KMT2E: variants seen among roughly 807,000 people sequenced by gnomAD.
The protein encoded by KMT2E is lysine methyltransferase 2E (inactive).
In KMT2E, 30 loss-of-function variants were observed where a neutral mutation model predicts 184.6. The ratio of observed to expected loss-of-function variants is 0.16; its 90% CI spans 0.12 to 0.22. The LOEUF is 0.22. Among genes scored for constraint, KMT2E ranks in the 10% least tolerant of loss-of-function variants. KMT2E has a pLI of 1.00. For missense variants in KMT2E, 2,023 were observed against 2,237.4 expected (o/e 0.90, Z 1.93); for synonymous variants, 815 against 776.5 (o/e 1.05, Z -0.82).
chr7:105,080,722 C>T (rs1174979151), intron 12 of KMT2E, among the ~76,000 whole-genome samples: 2 of 152,094 alleles, frequency 1.3e-5, no homozygotes, highest in African/African-American at 4.8e-5. Context: ...CTCATCAAAC[C>T]TAAGAAGGCC....
intron 1 of KMT2E, among the ~76,000 whole-genome samples, chr7:105,017,461 G>T (rs1794764503): frequency 7.2e-6 from 1 of 138,748 alleles, no homozygotes. Flanking sequence ...TTTAGTTCCT[G>T]TAAAATGATA....
intron 9 of KMT2E, 36 bp downstream of exon 9, chr7:105,076,117 G>T (rs759842187): frequency 7.0e-7 from 1 of 1,435,966 alleles, no homozygotes; most frequent in Non-Finnish European, 9.8e-7. Context: ...GTTATCAACT[G>T]TCATTTATTC....
At chr7:105,026,435 T>G (rs1795181498) in intron 1 of KMT2E, among the ~76,000 whole-genome samples, 1 of 152,240 alleles carries the variant, frequency 6.6e-6, no homozygotes, top group Non-Finnish European at 1.5e-5. Flanking sequence ...TAGATTAATT[T>G]AGTGGCAGAT....
chr7:105,069,805 C>G (rs1204467186), intron 6 of KMT2E, among the ~76,000 whole-genome samples: 1 of 152,130 alleles, frequency 6.6e-6, no homozygotes, highest in African/African-American at 2.4e-5. Flanking sequence ...TCATGCTACC[C>G]TTTATAGTCA....
chr7:105,091,263 T>C lies in KMT2E; in HGVS notation c.1671T>C (p.Asn557=), dbSNP rs747616635. Residue 557 remains asparagine, a synonymous_variant, in exon 15 of 27, where the codon AAT becomes AAC. Transcript: ENST00000311117. Reference sequence around the variant, plus strand: ...TAGAAGAAAAAACTCCTATTAGTAATGAAGTAGAAATGGAATCAGAGGAGC... The same window carrying C: ...TAGAAGAAAAAACTCCTATTAGTAACGAAGTAGAAATGGAATCAGAGGAGC... ...DDIEEKTPIS[N]EVEMESEEQI... is the part of the protein sequence containing the mutation. 1 of 1,605,808 alleles carries C rather than the reference T, an allele frequency of 6.2e-7. No homozygotes were observed. Among genetic ancestry groups the C allele is most frequent in the Admixed American group, 1.7e-5 (1 of 59,850 alleles).
chr7:105,103,603 G>A (rs1295604207), intron 17 of KMT2E: 1 of 152,068 alleles, frequency 6.6e-6, no homozygotes, highest in East Asian at 1.9e-4. Flanking sequence ...TCACCCTCCT[G>A]GCAGTCTGGC....
chr7:105,109,057 A>G lies in KMT2E; in HGVS notation c.3584A>G (p.Asn1195Ser), dbSNP rs145923995. Residue 1195 changes from asparagine to serine, a missense_variant, in exon 23 of 27, where the codon AAT (asparagine) becomes AGT (serine). Asn to Ser is a conservative substitution (Grantham distance 46, BLOSUM62 1). This residue lies in a region of KMT2E where 1,108 missense variants were observed against 1,050.9 expected (regional missense o/e 1.05). Coordinates refer to ENST00000311117, the MANE Select transcript of KMT2E (RefSeq NM_182931.3). ...CATGCAAGTGGAAGCTTGAGCAACA[A>G]TGGTGATGGCTGTGCCAGCAGTAAT... ...SPHASGSLSN[N>S]GDGCASSNDN... The G allele has an allele frequency of 1.5e-3, 2,389 of 1,614,186 alleles. 4 individuals carry two copies. Among genetic ancestry groups the G allele is most frequent in the Non-Finnish European group, 1.9e-3 (2,216 of 1,180,018 alleles).
chr7:105,068,624 G>GTTTTT lies in KMT2E; in HGVS notation c.497+1827_497+1831dup, dbSNP rs77819480. On this transcript the variant is annotated intron_variant, in intron 6 of 26. Coordinates refer to ENST00000311117, the MANE Select transcript of KMT2E (RefSeq NM_182931.3). ...TCGCCACCATGCCTGACTAGTTGTG[G>GTTTTT]TTTTTTTTTTTTTTGTTTTTTTTTT... 3.6e-3 allele frequency among the ~76,000 whole-genome samples: 402 copies of GTTTTT among 112,188 alleles called. 32 individuals carry two copies. The highest frequency in any genetic ancestry group is 7.4e-3 in the African/African-American group (185 of 25,008). The allele number at this position is 112,188 out of a possible 152,430, so 73.6% of individuals were successfully genotyped here. A position where few individuals can be genotyped will look rare whatever the true frequency, so the allele number is the denominator to read the frequency against.
rs530378230 is a variant in KMT2E, at chr7:105,077,459, C to T, written c.1130+26C>T. On this transcript the variant is annotated intron_variant, in intron 11 of 26. Transcript: ENST00000311117. ...GTATATTCATTTATTTTCCCATGTT[C>T]ATTTTCTGTAGGTAAATATTGAACT... 29 of 1,566,020 alleles carry T rather than the reference C, an allele frequency of 1.9e-5. No homozygotes were observed. In the South Asian group the frequency reaches 3.2e-4, roughly 18 times the overall value.
At chr7:105,068,926 G>A (rs1338687822) in intron 6 of KMT2E, among the ~76,000 whole-genome samples, 3 of 152,170 alleles carry the variant, frequency 2.0e-5, no homozygotes, top group Non-Finnish European at 4.4e-5. Flanking sequence ...AAACCATAGT[G>A]GATGTCAGTC....
intron 8 of KMT2E, among the ~76,000 whole-genome samples, chr7:105,075,636 GTATTA>G (rs565321250): frequency 8.6e-4 from 130 of 150,908 alleles, no homozygotes; most frequent in Non-Finnish European, 6.8e-4. Flanking sequence ...TTTTGTCTTT[GTATTA>G]TATTATATAC....
intron 3 of KMT2E, among the ~76,000 whole-genome samples, chr7:105,051,632 G>A (rs1796352230): frequency 6.6e-6 from 1 of 151,274 alleles, no homozygotes; most frequent in African/African-American, 2.4e-5. Flanking sequence ...GTTTTGTTTT[G>A]TTTTGAAATG....
At chr7:105,097,067 T>G (rs1481927137) in intron 15 of KMT2E, among the ~76,000 whole-genome samples, 1 of 152,216 alleles carries the variant, frequency 6.6e-6, no homozygotes, top group Non-Finnish European at 1.5e-5. Context: ...AGAGTGTTAT[T>G]CAGTGGAACA....
intron 3 of KMT2E, 22 bp downstream of exon 3, chr7:105,041,045 A>T: frequency 7.4e-7 from 1 of 1,354,806 alleles, no homozygotes; most frequent in Middle Eastern, 1.9e-4. Flanking sequence ...AATTGGTTAC[A>T]TAAGCAAAAA....
intron 3 of KMT2E, among the ~76,000 whole-genome samples, chr7:105,060,239 C>A (rs968869671): frequency 7.3e-5 from 11 of 151,630 alleles, no homozygotes; most frequent in African/African-American, 2.7e-4. Context: ...GTGATCCACC[C>A]GCCTCTGCCT....
At chr7:105,063,659 C>G in intron 5 of KMT2E, 79 bp downstream of exon 5, 1 of 950,790 alleles carries the variant, frequency 1.1e-6, no homozygotes, top group South Asian at 1.7e-5. Flanking sequence ...TAACTAAAGT[C>G]ACTTTCAAGG....
At chr7:105,068,762 A>G (rs780874332) in intron 6 of KMT2E, among the ~76,000 whole-genome samples, 32 of 150,204 alleles carry the variant, frequency 2.1e-4, no homozygotes, top group Non-Finnish European at 1.5e-4. Flanking sequence ...GGCGAGAGCC[A>G]CCTTGCCCGG....
chr7:105,089,074 G>C (rs1798097467), intron 13 of KMT2E, among the ~76,000 whole-genome samples: 1 of 152,132 alleles, frequency 6.6e-6, no homozygotes, highest in South Asian at 2.1e-4. Context: ...AATGTTTTGT[G>C]TAAACCACAG....
chr7:105,084,506 A>T (rs567401225), intron 13 of KMT2E, among the ~76,000 whole-genome samples: 1 of 152,170 alleles, frequency 6.6e-6, no homozygotes, highest in South Asian at 2.1e-4. Flanking sequence ...GGGCCCCTGT[A>T]ATCCCAGCTA....
Sources: allele counts gnomAD v4.1 joint callset (sites outside exome capture counted in the v4.1 genomes callset), GRCh38; gene constraint gnomAD v4.1.1; regional missense constraint gnomAD v4.1.1; transcripts MANE v1.5; gene names NCBI Gene and HGNC (gene_info 2026-07-23, HGNC 2026-07-21).